Variants in IL21R observed in about 807,000 individuals in gnomAD.
IL21R encodes the protein interleukin 21 receptor.
IL21R carries 14 observed loss-of-function variants against 41.3 expected under a neutral mutation model. That is an observed-to-expected ratio of 0.34 (90% CI 0.22 to 0.53). IL21R has a LOEUF of 0.53. IL21R is among the 20% of genes least tolerant of loss of function. The pLI, the probability that IL21R is intolerant of heterozygous loss-of-function variation, is 0.94. For synonymous variants in IL21R, 286 were observed against 287.6 expected (o/e 0.99, Z 0.05); for missense variants, 588 against 681.6 (o/e 0.86, Z 1.53).
At chr16:27,424,365 C>G (rs568671006) in intron 1 of IL21R, among the ~76,000 whole-genome samples, 1 of 152,290 alleles carries the variant, frequency 6.6e-6, no homozygotes, top group South Asian at 2.1e-4. Flanking sequence ...TGAGCCACCA[C>G]GTTGACCATG....
intron 1 of IL21R, among the ~76,000 whole-genome samples, chr16:27,429,093 G>A (rs1334956818): frequency 1.3e-5 from 2 of 151,764 alleles, no homozygotes; most frequent in South Asian, 4.2e-4. Context: ...GCGTGGTGGC[G>A]GCCACCTGTA....
chr16:27,418,092 C>T (rs973629832), intron 1 of IL21R, among the ~76,000 whole-genome samples: 7 of 139,124 alleles, frequency 5.0e-5, no homozygotes, highest in East Asian at 2.0e-4. Context: ...TTATTTAAGA[C>T]GGAGGTTCGC....
intron 1 of IL21R, among the ~76,000 whole-genome samples, chr16:27,417,502 T>C (rs760699097): frequency 6.6e-6 from 1 of 152,220 alleles, no homozygotes; most frequent in Non-Finnish European, 1.5e-5. Context: ...GTGAAATTTC[T>C]TGGTCATATG....
intron 1 of IL21R, among the ~76,000 whole-genome samples, chr16:27,418,983 G>C (rs1452241072): frequency 6.6e-6 from 1 of 151,984 alleles, no homozygotes; most frequent in Admixed American, 6.6e-5. Context: ...GGGAGGCCAA[G>C]GAGGGCGGAT....
chr16:27,449,088 A>T lies in IL21R; in HGVS notation c.1422A>T (p.Ser474=). 1 of 1,613,504 alleles carries T rather than the reference A, an allele frequency of 6.2e-7. No individual in the cohort carries two copies. The highest frequency in any genetic ancestry group is 8.5e-7 in the Non-Finnish European group (1 of 1,179,958). Reference sequence around the variant, plus strand: ...GTGGCCGGTCACCTGGAGGGGTCTCAGAGAGTGAGGCGGGCTCACCCCTGG... The same window carrying T: ...GTGGCCGGTCACCTGGAGGGGTCTCTGAGAGTGAGGCGGGCTCACCCCTGG... The part of the protein sequence containing the change: ...PWGGRSPGGV[S]ESEAGSPLAG... The change falls in exon 9 of 9, where the codon TCA becomes TCT. Residue 474 remains serine, a synonymous_variant. Coordinates refer to ENST00000337929, the MANE Select transcript of IL21R (RefSeq NM_181078.3).
intron 4 of IL21R, among the ~76,000 whole-genome samples, chr16:27,440,965 C>T (rs987952072): frequency 3.4e-5 from 5 of 148,002 alleles, no homozygotes; most frequent in Non-Finnish European, 7.4e-5. Flanking sequence ...GCCGTGTAAT[C>T]GCTTGGGCTT....
chr16:27,419,473 G>A (rs1432185265), intron 1 of IL21R, among the ~76,000 whole-genome samples: 1 of 152,168 alleles, frequency 6.6e-6, no homozygotes, highest in Non-Finnish European at 1.5e-5. Flanking sequence ...TGTCACCCAG[G>A]CTGGAGTGCA....
rs2087140775 is a variant in IL21R, at chr16:27,429,965, G to A, written c.-16-91G>A. 5.4e-6 allele frequency: 6 copies of A among 1,118,046 alleles called. No individual in the cohort carries two copies. In the South Asian group the frequency reaches 6.8e-5, roughly 13 times the overall value. The allele number at this position is 1,118,046 out of a possible 1,614,324, so 69.3% of individuals were successfully genotyped here. A position where few individuals can be genotyped will look rare whatever the true frequency, so the allele number is the denominator to read the frequency against. On this transcript the variant is annotated intron_variant, in intron 1 of 8. Coordinates refer to ENST00000337929, the MANE Select transcript of IL21R (RefSeq NM_181078.3). ...TCTTAAGACAGTTCCAAGAATCAGG[G>A]GCAAGTCTGCCTGGGAAGAGACAGG...
chr16:27,404,043 T>A (rs1001227126), intron 1 of IL21R, among the ~76,000 whole-genome samples: 3 of 152,046 alleles, frequency 2.0e-5, no homozygotes, highest in African/African-American at 7.3e-5. Context: ...TAGAATAACA[T>A]GAAAACAAGA....
chr16:27,442,841 C>A, intron 4 of IL21R, 121 bp from the exon 5 acceptor site: 1 of 870,900 alleles, frequency 1.1e-6, no homozygotes, highest in African/African-American at 1.7e-5. Flanking sequence ...TTCATCTCAT[C>A]CATGATGGGT....
At chr16:27,446,112 G>A (rs1302851982) in intron 8 of IL21R, 24 bp downstream of exon 8, 1 of 1,597,190 alleles carries the variant, frequency 6.3e-7, no homozygotes, top group Non-Finnish European at 8.6e-7. Flanking sequence ...CCTGTGATGA[G>A]CTCCTCGGAG....
intron 1 of IL21R, chr16:27,403,118 C>A: frequency 2.7e-6 from 2 of 754,122 alleles, no homozygotes; most frequent in Non-Finnish European, 4.2e-6. Context: ...GTGATTTTCC[C>A]TCGGTGACTC....
At chr16:27,408,401 C>G (rs1228031209) in intron 1 of IL21R, among the ~76,000 whole-genome samples, 1 of 152,200 alleles carries the variant, frequency 6.6e-6, no homozygotes, top group African/African-American at 2.4e-5. Context: ...AGTATGAATA[C>G]TGGGGGCTAG....
intron 4 of IL21R, chr16:27,442,636 A>G (rs974786666): frequency 2.9e-5 from 5 of 171,928 alleles, no homozygotes; most frequent in Non-Finnish European, 6.2e-5. Context: ...TGCTGGGATT[A>G]CAGGCATGAG....
intron 1 of IL21R, among the ~76,000 whole-genome samples, chr16:27,428,270 A>T (rs1046759438): frequency 4.6e-5 from 7 of 152,244 alleles, no homozygotes; most frequent in African/African-American, 1.7e-4. Flanking sequence ...GCCCGGAGCC[A>T]CACAGCTGGT....
intron 1 of IL21R, among the ~76,000 whole-genome samples, chr16:27,409,714 G>A (rs1474751507): frequency 6.6e-6 from 1 of 152,080 alleles, no homozygotes; most frequent in African/African-American, 2.4e-5. Context: ...TTTTCCATTG[G>A]TTAGTTTGTT....
chr16:27,427,098 GA>G (rs3093288), intron 1 of IL21R: 10,915 of 155,690 alleles, frequency 0.07, 401 homozygotes, highest in Middle Eastern at 0.097. Context: ...TAGAGTTCTA[GA>G]AAAAAAATCT....
At chr16:27,433,293 C>A (rs2087206998) in intron 2 of IL21R, among the ~76,000 whole-genome samples, 1 of 152,008 alleles carries the variant, frequency 6.6e-6, no homozygotes, top group Non-Finnish European at 1.5e-5. Flanking sequence ...ATGGTGAAAC[C>A]CTGTCTCTAC....
At chr16:27,439,353 C>T (rs781368770) in intron 4 of IL21R, among the ~76,000 whole-genome samples, 9 of 150,710 alleles carry the variant, frequency 6.0e-5, no homozygotes, top group Non-Finnish European at 1.0e-4. Flanking sequence ...TACACACTCA[C>T]ACATACATAC....
Sources: gnomAD v4.1 joint callset for allele counts (sites outside exome capture counted in the v4.1 genomes callset) on GRCh38, gnomAD v4.1.1 for gene constraint, MANE v1.5 for transcripts, NCBI Gene and HGNC (gene_info 2026-07-23, HGNC 2026-07-21) for gene names.